UNK: variants seen among roughly 807,000 people sequenced by gnomAD.
UNK encodes the protein RING finger protein unkempt homolog.
Under a neutral mutation model 97.6 loss-of-function variants are expected in UNK, and 32 were observed. The observed-to-expected ratio is 0.33, with a 90% CI of 0.25 to 0.44. UNK has a LOEUF of 0.44. Ranked by LOEUF, UNK falls within the 20% of genes least tolerant of loss-of-function variation. The pLI is 1.00. For missense variants in UNK, 771 were observed against 1,098.4 expected, an observed-to-expected ratio of 0.70 and a Z score of 4.21; for synonymous variants, 441 against 461.2, an observed-to-expected ratio of 0.96 and a Z score of 0.56.
At chr17:75,820,950 G>A (rs1031056011) in intron 13 of UNK, among the ~76,000 whole-genome samples, 3 of 152,116 alleles carry the variant, frequency 2.0e-5, no homozygotes, top group South Asian at 2.1e-4. Context: ...ATTTCTCAGC[G>A]CCTTCCAGTT....
intron 1 of UNK, among the ~76,000 whole-genome samples, chr17:75,805,138 G>A (rs374580523): frequency 0.017 from 2,573 of 149,948 alleles, 68 homozygotes; most frequent in African/African-American, 0.059. Flanking sequence ...CTGAGATTGC[G>A]CCACTGCACT....
chr17:75,792,408 A>T, intron 1 of UNK: 1 of 985,304 alleles, frequency 1.0e-6, no homozygotes, highest in Non-Finnish European at 1.2e-6. Context: ...ATCCTAGTAG[A>T]TTGTCTTCCC....
intron 1 of UNK, among the ~76,000 whole-genome samples, chr17:75,799,242 G>T (rs988042765): frequency 3.9e-5 from 6 of 152,228 alleles, no homozygotes; most frequent in African/African-American, 1.4e-4. Context: ...AGCCTGGGAG[G>T]CTGCAGTGAC....
rs79933925 is a variant in UNK, at chr17:75,822,030, G to A, written c.1838-447G>A. Among the ~76,000 whole-genome samples, 83 of 152,338 alleles carry A rather than the reference G, an allele frequency of 5.4e-4. 1 individual carries two copies. The East Asian group carries it at 0.015, about 28-fold the overall frequency. On this transcript the variant is annotated intron_variant, in intron 13 of 15. Transcript: ENST00000589666. ...TCTTCCTGCCCCAGCTCTGCCATCC[G>A]ATGAGGCTCTGGCCTGTCTTTTCCC...
At chr17:75,793,845 G>A in intron 1 of UNK, 14 of 985,392 alleles carry the variant, frequency 1.4e-5, no homozygotes, top group Non-Finnish European at 1.7e-5. Context: ...CCCCACATAA[G>A]AGAAGTAGTT....
At chr17:75,793,841 A>G (rs2061782826) in intron 1 of UNK, 1 of 985,460 alleles carries the variant, frequency 1.0e-6, no homozygotes, top group Non-Finnish European at 1.2e-6. Flanking sequence ...CTACCCCCAC[A>G]TAAGAGAAGT....
In UNK at chr17:75,824,512, A is replaced by ATGTATG; in HGVS notation, c.*97_*102dup. 1 of 890,500 alleles carries ATGTATG rather than the reference A, an allele frequency of 1.1e-6. No homozygotes were observed. The highest frequency in any genetic ancestry group is 1.4e-6 in the Non-Finnish European group (1 of 697,148). 55.2% of individuals were successfully genotyped at this position (890,500 alleles called of 1,614,324 possible). On this transcript the variant is annotated 3_prime_UTR_variant, in exon 16 of 16. Transcript: ENST00000589666. This position sits in a 1 kb window ranked among gnomAD's most constrained non-coding sequence, Gnocchi z 4.9. Reference sequence around the variant, plus strand: ...TGAATATATATATATATGTGTATGTATGTATGTATATGTATATGATTATGT... The same window carrying ATGTATG: ...TGAATATATATATATATGTGTATGTATGTATGTGTATGTATATGTATATGATTATGT...
chr17:75,822,541 T>C lies in UNK; in HGVS notation c.1902T>C (p.Thr634=). ...HFASGSFSPG[T]SPAFLSGPGA... ...CCTCTGGAAGCTTCTCCCCGGGCAC[T>C]TCCCCCGCTTTCCTATCAGGGCCAG... The change falls in exon 14 of 16, where the codon ACT becomes ACC. Residue 634 remains threonine (T), a synonymous_variant. Transcript: ENST00000589666. 2 of 1,613,612 alleles carry C rather than the reference T, an allele frequency of 1.2e-6. No homozygotes were observed. The highest frequency in any genetic ancestry group is 1.6e-4 in the Middle Eastern group (1 of 6,062).
At chr17:75,823,154 A>G in intron 14 of UNK, 111 bp from the exon 15 acceptor site, 1 of 1,480,868 alleles carries the variant, frequency 6.8e-7, no homozygotes, top group Non-Finnish European at 9.0e-7. Context: ...CAGAGAGCCA[A>G]CCCAGCTTCC....
intron 6 of UNK, among the ~76,000 whole-genome samples, chr17:75,814,883 C>T (rs1381040752): frequency 1.3e-5 from 2 of 152,222 alleles, no homozygotes; most frequent in African/African-American, 2.4e-5. Flanking sequence ...GAGGCACAGA[C>T]CTGGCCATGC....
Position 75,806,545 on chromosome 17 carries a change from G to A in UNK, c.105-3215G>A, listed in dbSNP as rs545336101. ...TCCCAGCACTTTGGGAAGCCGAGGC[G>A]GGCGAATCACAAGGTCAGGAGTTCG... On this transcript the variant is annotated intron_variant, in intron 1 of 15. Transcript: ENST00000589666. Among the ~76,000 whole-genome samples, 372 of 152,006 alleles carry A rather than the reference G, an allele frequency of 2.4e-3. 1 individual carries two copies. Among genetic ancestry groups the A allele is most frequent in the Middle Eastern group, 0.02 (6 of 294 alleles).
At chr17:75,791,659 A>AG (rs1319589107) in intron 1 of UNK, 26 of 863,390 alleles carry the variant, frequency 3.0e-5, no homozygotes, top group Non-Finnish European at 3.3e-5. Context: ...GCCCTTGCTA[A>AG]GGGTAGATTC....
At chr17:75,800,229 C>T (rs577619816) in intron 1 of UNK, among the ~76,000 whole-genome samples, 4 of 152,140 alleles carry the variant, frequency 2.6e-5, no homozygotes, top group African/African-American at 4.8e-5. Flanking sequence ...CCACCACACC[C>T]GGCTAATTCT....
chr17:75,805,224 G>T (rs2061901033), intron 1 of UNK, among the ~76,000 whole-genome samples: 2 of 150,554 alleles, frequency 1.3e-5, no homozygotes, highest in South Asian at 4.2e-4. Context: ...TGGCAACACA[G>T]TGAAACCCCA....
chr17:75,821,567 C>T (rs1157406311), intron 13 of UNK: 3 of 455,642 alleles, frequency 6.6e-6, no homozygotes, highest in Non-Finnish European at 1.3e-5. Flanking sequence ...GGTCTCCGCA[C>T]AGGACCATGT....
intron 2 of UNK, among the ~76,000 whole-genome samples, 174 bp downstream of exon 2, chr17:75,810,143 A>G (rs1251766948): frequency 1.3e-5 from 2 of 152,216 alleles, no homozygotes; most frequent in Non-Finnish European, 1.5e-5. Context: ...GCGGGGAGGT[A>G]CCATTTCCCT....
At chr17:75,813,419 G>A (rs1224748062) in intron 5 of UNK, among the ~76,000 whole-genome samples, 2 of 152,222 alleles carry the variant, frequency 1.3e-5, no homozygotes, top group African/African-American at 4.8e-5. Context: ...TGAGGACCCT[G>A]GTCAGACCGT....
intron 14 of UNK, 124 bp from the exon 15 acceptor site, chr17:75,823,139 CCT>C: frequency 3.5e-6 from 5 of 1,436,594 alleles, no homozygotes; most frequent in South Asian, 3.0e-5. Flanking sequence ...TCCTTGCCCT[CCT>C]CCCAGAGAGC....
chr17:75,819,644 G>T lies in UNK; in HGVS notation c.1547-40G>T. 6.3e-7 allele frequency: 1 copy of T among 1,595,564 alleles called. No individual in the cohort carries two copies. The highest frequency in any genetic ancestry group is 8.6e-7 in the Non-Finnish European group (1 of 1,163,438). ...TAGACGAGGTGGTCAGGGTCAGATA[G>T]TCCCTCGGGAGGTCACATCCCACTC... On this transcript the variant is annotated intron_variant, in intron 11 of 15. Coordinates refer to ENST00000589666, the MANE Select transcript of UNK (RefSeq NM_001080419.3). The surrounding 1 kb of genome is among the most constrained non-coding windows in gnomAD (Gnocchi z 5.4).
Sources: allele counts gnomAD v4.1 joint callset (sites outside exome capture counted in the v4.1 genomes callset), GRCh38; gene constraint gnomAD v4.1.1; non-coding constraint Gnocchi (gnomAD v3.1); transcripts MANE v1.5; gene names NCBI Gene and HGNC (gene_info 2026-07-23, HGNC 2026-07-21).